Variants in GABBR2 observed in about 807,000 individuals in gnomAD.
GABBR2 encodes the protein G-protein coupled receptor 51.
A neutral mutation model predicts 105.6 loss-of-function variants in GABBR2; 23 were observed. The ratio of observed to expected loss-of-function variants is 0.22; its 90% CI spans 0.16 to 0.31. GABBR2 has a LOEUF of 0.31. GABBR2 is among the 10% of genes least tolerant of loss of function. GABBR2 has a pLI of 1.00. For missense variants in GABBR2, 734 were observed against 1,245.5 expected (o/e 0.59, Z 6.18); for synonymous variants, 478 against 499.7 (o/e 0.96, Z 0.58).
intron 3 of GABBR2, among the ~76,000 whole-genome samples, chr9:98,532,608 A>T (rs1828088276): frequency 6.6e-6 from 1 of 152,192 alleles, no homozygotes; most frequent in African/African-American, 2.4e-5. Flanking sequence ...TTGGGAGCAC[A>T]GTGGTCCCAC....
rs1261809150 is a variant in GABBR2, at chr9:98,289,841, GCGTGTCTGCAGTGA to G, written c.*729_*742del. 1 of 152,708 alleles carries G rather than the reference GCGTGTCTGCAGTGA, an allele frequency of 6.5e-6. No homozygotes were observed. The highest frequency in any genetic ancestry group is 1.5e-5 in the Non-Finnish European group (1 of 68,084). The allele number at this position is 152,708 out of a possible 1,614,324, so 9.5% of individuals were successfully genotyped here. A position where few individuals can be genotyped will look rare whatever the true frequency, so the allele number is the denominator to read the frequency against. On this transcript the variant is annotated 3_prime_UTR_variant, in exon 19 of 19. Transcript: ENST00000259455. ...ACAGACTGTCGGTGAATGCTGCAGA[GCGTGTCTGCAGTGA>G]CGTGCCCTAAATCCCCACGGTCCCA...
chr9:98,606,887 T>C (rs994138030), intron 1 of GABBR2: 79 of 580,970 alleles, frequency 1.4e-4, no homozygotes, highest in Non-Finnish European at 5.6e-5. Context: ...CCATGGGAGG[T>C]CTGATTGATC....
intron 2 of GABBR2, among the ~76,000 whole-genome samples, chr9:98,572,539 T>C (rs960491735): frequency 6.6e-6 from 1 of 152,200 alleles, no homozygotes; most frequent in East Asian, 1.9e-4. Context: ...ATCAAATCCC[T>C]TGGGCACCTG....
intron 1 of GABBR2, among the ~76,000 whole-genome samples, chr9:98,691,814 G>A (rs561192024): frequency 6.6e-6 from 1 of 152,290 alleles, no homozygotes; most frequent in Admixed American, 6.5e-5. Context: ...CCAGCTCAAA[G>A]GTTGCTTGCA....
At chr9:98,573,172 C>A (rs947532866) in intron 2 of GABBR2, among the ~76,000 whole-genome samples, 14 of 152,362 alleles carry the variant, frequency 9.2e-5, no homozygotes, top group Middle Eastern at 3.4e-3. Context: ...GACCCTGCGC[C>A]AGACACTGGG....
chr9:98,636,485 CTTTTTTTT>C lies in GABBR2; in HGVS notation c.322-58421_322-58414del, dbSNP rs10559312. ...ATTGCATTTTATTTTTCTTTCCTTTCTTTTTTTTTTTTTTTTTTTTTTTTTTGAGATGG... is the reference window on the plus strand; with the variant it reads ...ATTGCATTTTATTTTTCTTTCCTTTCTTTTTTTTTTTTTTTTTTGAGATGG... On this transcript the variant is annotated intron_variant, in intron 1 of 18. Transcript: ENST00000259455. Among the ~76,000 whole-genome samples, 11 of 66,204 alleles carry C rather than the reference CTTTTTTTT, an allele frequency of 1.7e-4. 1 individual carries two copies. The highest frequency in any genetic ancestry group is 1.5e-3 in the South Asian group (2 of 1,294). The allele number at this position is 66,204 out of a possible 152,430, so 43.4% of individuals were successfully genotyped here. A position where few individuals can be genotyped will look rare whatever the true frequency, so the allele number is the denominator to read the frequency against.
At chr9:98,322,683 C>T (rs1209494110) in intron 13 of GABBR2, among the ~76,000 whole-genome samples, 1 of 151,508 alleles carries the variant, frequency 6.6e-6, no homozygotes, top group Non-Finnish European at 1.5e-5. Context: ...CCTCCTATGA[C>T]ACAGTCCATC....
At chr9:98,586,565 G>T (rs770850371) in intron 1 of GABBR2, among the ~76,000 whole-genome samples, 14 of 152,198 alleles carry the variant, frequency 9.2e-5, no homozygotes, top group Non-Finnish European at 1.9e-4. Context: ...CTCCCAAAGT[G>T]CTGGGATTAT....
At chr9:98,570,762 C>T (rs1303106901) in intron 2 of GABBR2, among the ~76,000 whole-genome samples, 7 of 152,166 alleles carry the variant, frequency 4.6e-5, no homozygotes, top group African/African-American at 1.7e-4. Flanking sequence ...AACCAGGGGG[C>T]GGGGGTTCCT....
intron 1 of GABBR2, among the ~76,000 whole-genome samples, chr9:98,648,353 G>C (rs540040114): frequency 6.6e-6 from 1 of 151,792 alleles, no homozygotes; most frequent in African/African-American, 2.4e-5. Flanking sequence ...GGCTGGTCTC[G>C]AACCCCTGAC....
rs375061314 is a variant in GABBR2 at position 98,303,388 on chromosome 9, C to T, written c.2265G>A (p.Thr755=). The change falls in exon 16 of 19, where the codon ACG becomes ACA. Residue 755 remains threonine (T), a synonymous_variant. Transcript: ENST00000259455. ...GAGTGAACTGGAATCGCCTGTTCTG[C>T]GTTGCTGCATCTGGGTTTGTTCTCA... ...ITLRTNPDAA[T]QNRRFQFTQN... 3.8e-5 allele frequency: 62 copies of T among 1,614,140 alleles called. No individual in the cohort carries two copies. The highest frequency in any genetic ancestry group is 3.2e-4 in the Admixed American group (19 of 60,028).
At chr9:98,542,286 A>G (rs1828320200) in intron 2 of GABBR2, among the ~76,000 whole-genome samples, 3 of 152,206 alleles carry the variant, frequency 2.0e-5, no homozygotes, top group African/African-American at 7.2e-5. Flanking sequence ...CTAAAGAACC[A>G]TCATTCATGT....
At chr9:98,310,962 G>A (rs1406596540) in intron 14 of GABBR2, 133 bp downstream of exon 14, 1 of 599,688 alleles carries the variant, frequency 1.7e-6, no homozygotes, top group Non-Finnish European at 3.0e-6. Flanking sequence ...CATGTGGCAG[G>A]CACTGAGTCC....
At chr9:98,556,983 G>A (rs934516718) in intron 2 of GABBR2, among the ~76,000 whole-genome samples, 1 of 152,188 alleles carries the variant, frequency 6.6e-6, no homozygotes, top group Admixed American at 6.5e-5. Context: ...GGTCAATTCT[G>A]CAGTGAGCCG....
intron 1 of GABBR2, among the ~76,000 whole-genome samples, chr9:98,648,128 G>GTGTGTGTGTGTGTGTGTGT (rs1271189831): frequency 1.4e-5 from 1 of 72,236 alleles, no homozygotes; most frequent in African/African-American, 5.8e-5. Context: ...TAGATAGATA[G>GTGTGTGTGTGTGTGTGTGT]ATAGATAGAT....
chr9:98,577,228 A>ATGGTTAGGCGAATGGAG (rs769775744), intron 2 of GABBR2, among the ~76,000 whole-genome samples: 1 of 151,132 alleles, frequency 6.6e-6, no homozygotes, highest in Non-Finnish European at 1.5e-5. Context: ...GGATGGATGG[A>ATGGTTAGGCGAATGGAG]GCAAAAAAGT....
At chr9:98,379,983 T>C (rs1385515319) in intron 11 of GABBR2, among the ~76,000 whole-genome samples, 3 of 152,178 alleles carry the variant, frequency 2.0e-5, no homozygotes, top group Non-Finnish European at 4.4e-5. Context: ...TTTTTTTTTT[T>C]CTGGTATAAG....
intron 8 of GABBR2, among the ~76,000 whole-genome samples, chr9:98,394,993 T>A (rs1832261373): frequency 1.3e-5 from 2 of 152,224 alleles, no homozygotes; most frequent in South Asian, 4.1e-4. Context: ...TCCTTGCACT[T>A]GTTCAGTGTG....
intron 1 of GABBR2, among the ~76,000 whole-genome samples, chr9:98,690,672 G>A (rs1830671878): frequency 6.6e-6 from 1 of 152,148 alleles, no homozygotes; most frequent in South Asian, 2.1e-4. Context: ...CTAGAATCCA[G>A]AATGACAGTG....
Sources: allele counts gnomAD v4.1 joint callset (sites outside exome capture counted in the v4.1 genomes callset), GRCh38; gene constraint gnomAD v4.1.1; transcripts MANE v1.5; gene names NCBI Gene and HGNC (gene_info 2026-07-23, HGNC 2026-07-21).